The following ERBIN variants were observed in gnomAD, a reference collection of about 807,000 sequenced individuals.
ERBIN encodes the protein erbb2 interacting protein.
Under a neutral mutation model 158.4 loss-of-function variants are expected in ERBIN, and 60 were observed. That is an observed-to-expected ratio of 0.38 (90% confidence interval 0.31 to 0.47). ERBIN has a LOEUF of 0.47. ERBIN is among the 20% of genes least tolerant of loss of function. ERBIN has a pLI of 0.99. For synonymous variants in ERBIN, 594 were observed against 557.2 expected (o/e 1.07, Z -0.93); for missense variants, 1,610 against 1,648.0 (o/e 0.98, Z 0.40).
At chr5:65,956,105 T>C (rs1243980937) in intron 1 of ERBIN, among the ~76,000 whole-genome samples, 1 of 152,164 alleles carries the variant, frequency 6.6e-6, no homozygotes, top group East Asian at 1.9e-4. Flanking sequence ...GACCACTGTA[T>C]AGCAAGAAGA....
intron 1 of ERBIN, among the ~76,000 whole-genome samples, chr5:65,948,261 G>T (rs1386117347): frequency 6.6e-6 from 1 of 151,862 alleles, no homozygotes; most frequent in Non-Finnish European, 1.5e-5. Context: ...TGCAGCCTGG[G>T]CATCCCAGGC....
chr5:66,027,651 T>TAA (rs1439918090), intron 13 of ERBIN, among the ~76,000 whole-genome samples: 4 of 152,074 alleles, frequency 2.6e-5, no homozygotes, highest in African/African-American at 9.7e-5. Context: ...AGAAATGATT[T>TAA]AAAATATATG....
At chr5:66,072,973 C>T (rs1007829900) in intron 22 of ERBIN, among the ~76,000 whole-genome samples, 2 of 152,154 alleles carry the variant, frequency 1.3e-5, no homozygotes, top group African/African-American at 4.8e-5. Flanking sequence ...TCATCTAATA[C>T]TTAAGTTCAT....
intron 1 of ERBIN, among the ~76,000 whole-genome samples, chr5:65,952,745 A>G (rs924013031): frequency 1.3e-5 from 2 of 152,218 alleles, no homozygotes; most frequent in Non-Finnish European, 2.9e-5. Context: ...TTTGAAACTC[A>G]TAGAACTTGT....
intron 8 of ERBIN, among the ~76,000 whole-genome samples, chr5:66,022,172 A>C (rs540321335): frequency 7.2e-5 from 11 of 152,170 alleles, no homozygotes; most frequent in East Asian, 1.9e-4. Flanking sequence ...TTGAGGAGGA[A>C]CATGGTACTT....
Position 66,075,180 on chromosome 5 carries a change from A to G in ERBIN, c.3913A>G (p.Thr1305Ala), listed in dbSNP as rs1471521697. 6.2e-7 allele frequency: 1 copy of G among 1,614,212 alleles called. No homozygotes were observed. ...GAAAGTGGCCCACCAGCCTCCATAT[A>G]CACAGCCCCATTGTTCTCCTAGACA... is the stretch of plus-strand genomic sequence containing the variant. ...MLKVAHQPPY[T>A]QPHCSPRQGH... Residue 1305 changes from threonine to alanine, a missense_variant, in exon 23 of 26, where the codon ACA (threonine) becomes GCA (alanine). Coordinates refer to ENST00000284037, the MANE Select transcript of ERBIN (RefSeq NM_001253697.2).
At chr5:65,935,252 T>G (rs566554084) in intron 1 of ERBIN, among the ~76,000 whole-genome samples, 2 of 152,322 alleles carry the variant, frequency 1.3e-5, no homozygotes, top group Admixed American at 1.3e-4. Flanking sequence ...TTGGCTTAAA[T>G]GATGGGTTTA....
intron 13 of ERBIN, among the ~76,000 whole-genome samples, chr5:66,027,695 A>G (rs1291577273): frequency 6.6e-6 from 1 of 152,044 alleles, no homozygotes; most frequent in African/African-American, 2.4e-5. Context: ...CAAATACTAT[A>G]CAATTTTATA....
chr5:65,999,089 C>T (rs147096170), intron 4 of ERBIN, among the ~76,000 whole-genome samples: 1 of 152,086 alleles, frequency 6.6e-6, no homozygotes, highest in Non-Finnish European at 1.5e-5. Flanking sequence ...GTCTTTTTGG[C>T]TGTGCGTGGT....
intron 2 of ERBIN, among the ~76,000 whole-genome samples, chr5:65,991,862 A>G (rs898551976): frequency 6.6e-6 from 1 of 152,194 alleles, no homozygotes; most frequent in Non-Finnish European, 1.5e-5. Flanking sequence ...CTTTAGAAAA[A>G]CTATATGGCC....
At chr5:65,981,863 C>T (rs1580243720) in intron 1 of ERBIN, among the ~76,000 whole-genome samples, 1 of 152,300 alleles carries the variant, frequency 6.6e-6, no homozygotes, top group East Asian at 1.9e-4. Flanking sequence ...GGGACTGTCA[C>T]TTGCCCAACA....
At chr5:66,046,008 C>T (rs1758406120) in intron 17 of ERBIN, among the ~76,000 whole-genome samples, 1 of 152,160 alleles carries the variant, frequency 6.6e-6, no homozygotes, top group South Asian at 2.1e-4. Context: ...ATTAGAGTTA[C>T]TGTACAGTCC....
rs1326285179 is a variant in ERBIN at position 65,931,536 on chromosome 5, TA to T, written c.-58+4738del. On this transcript the variant is annotated intron_variant, in intron 1 of 25. Transcript: ENST00000284037. The stretch of plus-strand genomic sequence containing the variant: ...TTTTGGTTTGACTCAAAACAGAAAT[TA>T]AAAAAAATTAATTTATTTGAAAATA... 2.0e-5 allele frequency among the ~76,000 whole-genome samples: 3 copies of T among 152,178 alleles called. No homozygotes were observed. In the East Asian group the frequency reaches 5.8e-4, roughly 29 times the overall value.
At chr5:65,978,940 C>G (rs1750339445) in intron 1 of ERBIN, among the ~76,000 whole-genome samples, 1 of 152,082 alleles carries the variant, frequency 6.6e-6, no homozygotes, top group Non-Finnish European at 1.5e-5. Context: ...GCTTCTACTA[C>G]CTCAGATTTG....
At chr5:66,002,263 C>T (rs1753085137) in intron 4 of ERBIN, among the ~76,000 whole-genome samples, 1 of 152,084 alleles carries the variant, frequency 6.6e-6, no homozygotes, top group Admixed American at 6.5e-5. Context: ...ATAAATAGTG[C>T]TGCAATAAAC....
intron 4 of ERBIN, among the ~76,000 whole-genome samples, chr5:65,999,302 G>A (rs1481540755): frequency 6.6e-6 from 1 of 152,182 alleles, no homozygotes; most frequent in Admixed American, 6.5e-5. Flanking sequence ...GGAGGCAGAG[G>A]TGGCAGTGAG....
intron 1 of ERBIN, among the ~76,000 whole-genome samples, chr5:65,981,645 AAAC>A (rs199587305): frequency 1.3e-5 from 2 of 151,242 alleles, no homozygotes; most frequent in African/African-American, 4.9e-5. Flanking sequence ...AGTTATTTTT[AAAC>A]AACAAAAAAA....
At chr5:66,051,619 T>C (rs1759027254) in intron 20 of ERBIN, among the ~76,000 whole-genome samples, 4 of 152,140 alleles carry the variant, frequency 2.6e-5, no homozygotes, top group Admixed American at 2.6e-4. Flanking sequence ...GGGCTGAGCA[T>C]GGTGGCTTAA....
chr5:66,003,721 C>T (rs973751382), intron 4 of ERBIN, among the ~76,000 whole-genome samples: 1 of 151,954 alleles, frequency 6.6e-6, no homozygotes, highest in Non-Finnish European at 1.5e-5. Flanking sequence ...AACACTGAGG[C>T]CTCCATCTGA....
Sources: gnomAD v4.1 joint callset for allele counts (sites outside exome capture counted in the v4.1 genomes callset) on GRCh38, gnomAD v4.1.1 for gene constraint, MANE v1.5 for transcripts, NCBI Gene and HGNC (gene_info 2026-07-23, HGNC 2026-07-21) for gene names.